Variants in BTF3 observed in about 807,000 individuals in gnomAD.
The protein encoded by BTF3 is transcription factor BTF3.
Under a neutral mutation model 23.9 loss-of-function variants are expected in BTF3, and 12 were observed. The observed-to-expected ratio is 0.50, with a 90% confidence interval of 0.32 to 0.81. BTF3 has a LOEUF of 0.81. Ranked by LOEUF, BTF3 falls within the 40% of genes least tolerant of loss-of-function variation. BTF3 has a pLI of 0.03. For synonymous variants in BTF3, 96 were observed against 94.8 expected (o/e 1.01, Z -0.07); for missense variants, 215 against 255.9 (o/e 0.84, Z 1.09).
rs1746531503 is a variant in BTF3, at chr5:73,505,329, G to GGATAAACAAAATTAGA, written c.*94_*95insAAACAAAATTAGAGAT. 2 of 1,172,952 alleles carry GGATAAACAAAATTAGA rather than the reference G, an allele frequency of 1.7e-6. No individual in the cohort carries two copies. The highest frequency in any genetic ancestry group is 4.4e-5 in the Admixed American group (2 of 45,972). The allele number at this position is 1,172,952 out of a possible 1,614,324, so 72.7% of individuals were successfully genotyped here. A position where few individuals can be genotyped will look rare whatever the true frequency, so the allele number is the denominator to read the frequency against. On this transcript the variant is annotated 3_prime_UTR_variant, in exon 6 of 6. Transcript: ENST00000380591. The stretch of plus-strand genomic sequence containing the variant: ...TGCTTTTTAAGAAATTTTTGTTTAT[G>GGATAAACAAAATTAGA]GATCTGATAAAATCTAGATCTCTAA...
rs1746478512 is a variant in BTF3 at position 73,503,101 on chromosome 5, A to G, written c.501A>G (p.Glu167=). ...DSLTSLRRLA[E]ALPKQSVDGK... is the part of the protein sequence containing the mutation. Reference sequence around the variant, plus strand: ...TGACTAGTTTAAGGAGACTGGCCGAAGCTCTGCCCAAACAATGTGAGTTTC... The same window carrying G: ...TGACTAGTTTAAGGAGACTGGCCGAGGCTCTGCCCAAACAATGTGAGTTTC... Residue 167 remains glutamate, a synonymous_variant, in exon 4 of 6, where the codon GAA becomes GAG. Transcript: ENST00000380591. The G allele has an allele frequency of 6.2e-7, 1 of 1,613,650 alleles. No homozygotes were observed. The highest frequency in any genetic ancestry group is 1.3e-5 in the African/African-American group (1 of 74,934).
rs764739115 is a variant in BTF3, at chr5:73,499,105, T to G, written c.133-29T>G. ...GGAATGCTAGAGTGAGCTAAACCTATCCTTGCTGAGGATTTCCTCTTTTTC... is the reference window on the plus strand; with the variant it reads ...GGAATGCTAGAGTGAGCTAAACCTAGCCTTGCTGAGGATTTCCTCTTTTTC... On this transcript the variant is annotated intron_variant, in intron 1 of 5. Coordinates refer to ENST00000380591, the MANE Select transcript of BTF3 (RefSeq NM_001037637.2). The G allele has an allele frequency of 1.9e-6, 3 of 1,599,686 alleles. No homozygotes were observed. The Admixed American group carries it at 5.2e-5, about 28-fold the overall frequency.
chr5:73,501,126 A>G (rs970903919), intron 2 of BTF3, among the ~76,000 whole-genome samples: 6 of 152,220 alleles, frequency 3.9e-5, no homozygotes, highest in Admixed American at 6.5e-5. Flanking sequence ...ACATAGTACA[A>G]TAGTAGAAGC....
Position 73,498,571 on chromosome 5 carries a change from T to C in BTF3, c.-97T>C. 1 of 1,401,802 alleles carries C rather than the reference T, an allele frequency of 7.1e-7. No individual in the cohort carries two copies. Among genetic ancestry groups the C allele is most frequent in the Non-Finnish European group, 9.2e-7 (1 of 1,086,226 alleles). 86.8% of individuals were successfully genotyped at this position (1,401,802 alleles called of 1,614,324 possible). ...TCGCTCCGACAAGGTACAAAAAGGC[T>C]CTGGACGGCGGCGTGGTAGGAGGAC... On this transcript the variant is annotated 5_prime_UTR_variant, in exon 1 of 6. Coordinates refer to ENST00000380591, the MANE Select transcript of BTF3 (RefSeq NM_001037637.2).
At chr5:73,499,324 C>T (rs745445777) in intron 2 of BTF3, 122 bp downstream of exon 2, 18 of 1,063,558 alleles carry the variant, frequency 1.7e-5, no homozygotes, top group Non-Finnish European at 2.2e-5. Context: ...GGGAAATTCA[C>T]GGAGCTAGCA....
In BTF3 at chr5:73,502,612, A is replaced by AAT; in HGVS notation, c.315+12_315+13dup. 1.3e-6 allele frequency: 2 copies of AAT among 1,569,088 alleles called. No individual in the cohort carries two copies. Among genetic ancestry groups the AAT allele is most frequent in the Non-Finnish European group, 1.7e-6 (2 of 1,161,666 alleles). On this transcript the variant is annotated intron_variant, in intron 3 of 5. Transcript: ENST00000380591. ...TCTGGTATTGAAGAGGCAAGTATCA[A>AAT]ATTTTGTTACTTTAAAAAACAAGAT...
intron 2 of BTF3, among the ~76,000 whole-genome samples, chr5:73,501,743 G>C (rs1746440603): frequency 6.6e-6 from 1 of 152,170 alleles, no homozygotes; most frequent in Non-Finnish European, 1.5e-5. Context: ...TAGGGCTCTT[G>C]TAAGTTAAGG....
rs530402556 is a variant in BTF3, at chr5:73,501,274, C to T, written c.202-1214C>T. On this transcript the variant is annotated intron_variant, in intron 2 of 5. Coordinates refer to ENST00000380591, the MANE Select transcript of BTF3 (RefSeq NM_001037637.2). Reference sequence around the variant, plus strand: ...AGGAATAGGGATGGAGGTTGGGGGACGGTGAGGTGGTTGGGTGTGATAGAC... The same window carrying T: ...AGGAATAGGGATGGAGGTTGGGGGATGGTGAGGTGGTTGGGTGTGATAGAC... Among the ~76,000 whole-genome samples, 3 of 152,108 alleles carry T rather than the reference C, an allele frequency of 2.0e-5. 1 individual carries two copies. The highest frequency in any genetic ancestry group is 4.1e-4 in the South Asian group (2 of 4,826).
intron 2 of BTF3, among the ~76,000 whole-genome samples, chr5:73,501,096 C>T (rs757959433): frequency 6.6e-6 from 1 of 152,110 alleles, no homozygotes; most frequent in African/African-American, 2.4e-5. Context: ...TTAAAAAAAT[C>T]TTCTTTCACA....
rs143150590 is a variant in BTF3, at chr5:73,503,048, A to G, written c.448A>G (p.Ile150Val). ...TKQLTEMLPSILNQLGADSLT... is the reference protein window; with the variant it reads ...TKQLTEMLPSVLNQLGADSLT... ...GCAGCTGACAGAAATGCTACCCAGC[A>G]TCTTAAACCAGCTTGGTGCGGATAG... The change falls in exon 4 of 6, where the codon ATC becomes GTC. Residue 150 changes from isoleucine (I) to valine (V), a missense_variant. Physicochemically the swap from Ile to Val is conservative, Grantham distance 29. Coordinates refer to ENST00000380591, the MANE Select transcript of BTF3 (RefSeq NM_001037637.2). 6.2e-7 allele frequency: 1 copy of G among 1,614,088 alleles called. No homozygotes were observed. The highest frequency in any genetic ancestry group is 8.5e-7 in the Non-Finnish European group (1 of 1,179,964).
At position 73,498,509 on chromosome 5, in the gene BTF3, T is replaced by C. The variant is rs541360504; in HGVS notation, c.-159T>C. Reference sequence around the variant, plus strand: ...TCTCAGGTGGTCCACCCGAGACCCCTTGAGCACCAACCCTAGTCCCCCGCG... The same window carrying C: ...TCTCAGGTGGTCCACCCGAGACCCCCTGAGCACCAACCCTAGTCCCCCGCG... On this transcript the variant is annotated 5_prime_UTR_variant, in exon 1 of 6. Coordinates refer to ENST00000380591, the MANE Select transcript of BTF3 (RefSeq NM_001037637.2). 68 of 1,137,466 alleles carry C rather than the reference T, an allele frequency of 6.0e-5. 1 individual carries two copies. In the South Asian group the frequency reaches 1.3e-3, roughly 22 times the overall value. The allele number at this position is 1,137,466 out of a possible 1,614,324, so 70.5% of individuals were successfully genotyped here. A position where few individuals can be genotyped will look rare whatever the true frequency, so the allele number is the denominator to read the frequency against.
Position 73,498,735 on chromosome 5 carries a change from C to CT in BTF3, c.69dup (p.Gly24TrpfsTer56). ...CGAGGTCGAGCCAGGGGCGGCTGCC[C>CT]TGGGGGCGAGGCGACGCTGTCTCAA... On this transcript the variant is annotated frameshift_variant, in exon 1 of 6. Coordinates refer to ENST00000380591, the MANE Select transcript of BTF3 (RefSeq NM_001037637.2). LOFTEE classifies it high-confidence loss of function. 6.7e-7 allele frequency: 1 copy of CT among 1,490,450 alleles called. No homozygotes were observed. The highest frequency in any genetic ancestry group is 8.8e-7 in the Non-Finnish European group (1 of 1,130,754). 92.3% of individuals were successfully genotyped at this position (1,490,450 alleles called of 1,614,324 possible).
At chr5:73,503,720 GC>G (rs1317968794) in intron 4 of BTF3, among the ~76,000 whole-genome samples, 61 of 152,142 alleles carry the variant, frequency 4.0e-4, no homozygotes, top group Non-Finnish European at 1.0e-4. Flanking sequence ...GACTTAATCT[GC>G]CTCAATTTTC....
At chr5:73,504,453 T>G (rs202126534) in intron 5 of BTF3, 50 bp downstream of exon 5, 1 of 1,508,558 alleles carries the variant, frequency 6.6e-7, no homozygotes, top group Admixed American at 1.9e-5. Context: ...CAAGGGAGAA[T>G]AAGAAATCTT....
chr5:73,501,178 A>G (rs991764013), intron 2 of BTF3, among the ~76,000 whole-genome samples: 2 of 152,178 alleles, frequency 1.3e-5, no homozygotes, highest in East Asian at 1.9e-4. Flanking sequence ...GCATAGGGAA[A>G]GGGGGTAATT....
chr5:73,498,657 A>C lies in BTF3; in HGVS notation c.-11A>C. The stretch of plus-strand genomic sequence containing the variant: ...ACAGGGAGGGACAGGGCAGAGGAGG[A>C]GAGGAAGGCGATGCGACGGACAGGC... On this transcript the variant is annotated 5_prime_UTR_variant, in exon 1 of 6. Coordinates refer to ENST00000380591, the MANE Select transcript of BTF3 (RefSeq NM_001037637.2). 6.7e-7 allele frequency: 1 copy of C among 1,501,262 alleles called. No homozygotes were observed. The highest frequency in any genetic ancestry group is 8.8e-7 in the Non-Finnish European group (1 of 1,134,360). 93.0% of individuals were successfully genotyped at this position (1,501,262 alleles called of 1,614,324 possible). A position where few individuals can be genotyped will look rare whatever the true frequency, so the allele number is the denominator to read the frequency against.
intron 5 of BTF3, 105 bp downstream of exon 5, chr5:73,504,508 G>T: frequency 1.3e-6 from 1 of 776,380 alleles, no homozygotes; most frequent in Non-Finnish European, 2.1e-6. Flanking sequence ...AGTTAAGATG[G>T]ACATAGATCT....
In BTF3 at chr5:73,502,782, C is replaced by T. The variant is rs990471645; in HGVS notation, c.316-134C>T. On this transcript the variant is annotated intron_variant, in intron 3 of 5. Coordinates refer to ENST00000380591, the MANE Select transcript of BTF3 (RefSeq NM_001037637.2). Reference sequence around the variant, plus strand: ...ATTAAGTCTGAATGCTATTAGAATACATATTCCATTCCAGGCAAAATTTCA... The same window carrying T: ...ATTAAGTCTGAATGCTATTAGAATATATATTCCATTCCAGGCAAAATTTCA... The T allele has an allele frequency of 1.3e-5, 12 of 930,128 alleles. No individual in the cohort carries two copies. In the African/African-American group the frequency reaches 1.3e-4, roughly 10 times the overall value. The allele number at this position is 930,128 out of a possible 1,614,324, so 57.6% of individuals were successfully genotyped here.
chr5:73,500,320 G>T (rs924731886), intron 2 of BTF3, among the ~76,000 whole-genome samples: 1 of 152,142 alleles, frequency 6.6e-6, no homozygotes, highest in Non-Finnish European at 1.5e-5. Flanking sequence ...GTGTTTGGAT[G>T]CTCTTATATT....
Sources: allele counts gnomAD v4.1 joint callset (sites outside exome capture counted in the v4.1 genomes callset), GRCh38; gene constraint gnomAD v4.1.1; transcripts MANE v1.5; gene names NCBI Gene and HGNC (gene_info 2026-07-23, HGNC 2026-07-21).